Variants in FERRY3 observed in about 807,000 individuals in gnomAD.
FERRY3 encodes protein C12orf4.
At chr12:4,501,149 T>TTCTA in the FERRY3 span, among the ~76,000 whole-genome samples, 1 of 152,160 alleles carries the variant, frequency 6.6e-6, no homozygotes, top group Non-Finnish European at 1.5e-5. Flanking sequence ...CTATTTTCAG[T>TTCTA]TCTATCTCCA....
the FERRY3 span, among the ~76,000 whole-genome samples, chr12:4,537,897 A>G: frequency 4.6e-4 from 70 of 152,290 alleles, no homozygotes; most frequent in African/African-American, 1.5e-3. Context: ...ATGCTCATAT[A>G]AGTTTTATTT....
chr12:4,532,210 C>T, the FERRY3 span, among the ~76,000 whole-genome samples: 13 of 151,782 alleles, frequency 8.6e-5, no homozygotes, highest in Admixed American at 8.5e-4. Flanking sequence ...ACCCCTGGTC[C>T]AGGCCACGTA....
the FERRY3 span, among the ~76,000 whole-genome samples, chr12:4,523,929 G>A: frequency 1.3e-5 from 2 of 151,898 alleles, no homozygotes; most frequent in African/African-American, 4.8e-5. Context: ...TGCACGTTGT[G>A]CACATGTACC....
the FERRY3 span, among the ~76,000 whole-genome samples, chr12:4,516,842 C>G: frequency 1.3e-5 from 2 of 152,096 alleles, no homozygotes; most frequent in African/African-American, 4.8e-5. Context: ...CCTGTACATG[C>G]ACCCTGGAAC....
At chr12:4,516,912 T>C in the FERRY3 span, 1 of 771,546 alleles carries the variant, frequency 1.3e-6, no homozygotes, top group Non-Finnish European at 1.8e-6. Context: ...TTTGATGTTC[T>C]TTCTAAATAG....
the FERRY3 span, chr12:4,502,498 A>C: frequency 2.4e-6 from 1 of 422,906 alleles, no homozygotes; most frequent in Non-Finnish European, 4.6e-6. The surrounding 1 kb of genome is among the most constrained non-coding windows in gnomAD (Gnocchi z 4.2). Flanking sequence ...AATATAAAGA[A>C]ATAAAATAGA....
the FERRY3 span, among the ~76,000 whole-genome samples, chr12:4,531,115 G>A: frequency 6.6e-6 from 1 of 152,134 alleles, no homozygotes; most frequent in Admixed American, 6.5e-5. Flanking sequence ...TCAGTCAACA[G>A]GAAAACTTTT....
At chr12:4,498,052 G>C in the FERRY3 span, among the ~76,000 whole-genome samples, 4 of 152,188 alleles carry the variant, frequency 2.6e-5, no homozygotes, top group African/African-American at 7.2e-5. Context: ...ATATACTTTT[G>C]TGAATTAAAT....
At chr12:4,535,875 A>C in the FERRY3 span, 1 of 549,546 alleles carries the variant, frequency 1.8e-6, no homozygotes, top group African/African-American at 2.0e-5. The surrounding 1 kb of genome is among the most constrained non-coding windows in gnomAD (Gnocchi z 4.0). Context: ...CTCTGGAGAA[A>C]TGTTTTTATT....
chr12:4,534,100 A>C, the FERRY3 span: 1 of 1,502,614 alleles, frequency 6.7e-7, no homozygotes, highest in South Asian at 1.4e-5. Flanking sequence ...GCATTTTAAA[A>C]ATTTTCACCA....
chr12:4,517,684 A>AATATATATATATATATATAT, the FERRY3 span, among the ~76,000 whole-genome samples: 21 of 140,556 alleles, frequency 1.5e-4, no homozygotes, highest in African/African-American at 5.3e-4. Context: ...AGGTTATTAA[A>AATATATATATATATATATAT]ATATATATAT....
the FERRY3 span, among the ~76,000 whole-genome samples, chr12:4,504,560 T>C: frequency 5.3e-5 from 8 of 152,210 alleles, no homozygotes; most frequent in Admixed American, 4.6e-4. Flanking sequence ...TCCATTTTCT[T>C]TATATTTAAG....
the FERRY3 span, among the ~76,000 whole-genome samples, chr12:4,500,892 C>T: frequency 6.6e-6 from 1 of 152,210 alleles, no homozygotes; most frequent in Admixed American, 6.5e-5. Flanking sequence ...ACCTCATGAT[C>T]CGCCCGCCTT....
At chr12:4,513,314 G>A in the FERRY3 span, among the ~76,000 whole-genome samples, 1 of 151,850 alleles carries the variant, frequency 6.6e-6, no homozygotes, top group Non-Finnish European at 1.5e-5. Flanking sequence ...TGGCCATACT[G>A]CCCAAGGTAA....
At chr12:4,500,153 T>C in the FERRY3 span, 16 of 1,613,514 alleles carry the variant, frequency 9.9e-6, no homozygotes, top group Non-Finnish European at 1.4e-5. Flanking sequence ...ACATATCATG[T>C]ACCAGCAAGA....
the FERRY3 span, among the ~76,000 whole-genome samples, chr12:4,533,211 T>C: frequency 1.3e-4 from 20 of 152,218 alleles, no homozygotes; most frequent in African/African-American, 4.3e-4. Context: ...AGCATCTGTC[T>C]TCCCAGTTAT....
At chr12:4,532,392 T>C in the FERRY3 span, among the ~76,000 whole-genome samples, 2 of 152,228 alleles carry the variant, frequency 1.3e-5, no homozygotes, top group Non-Finnish European at 2.9e-5. Flanking sequence ...GCTTCTCTTC[T>C]GTTGGCCTGC....
At chr12:4,498,124 CT>C in the FERRY3 span, among the ~76,000 whole-genome samples, 1 of 152,204 alleles carries the variant, frequency 6.6e-6, no homozygotes, top group African/African-American at 2.4e-5. Flanking sequence ...AAACATGTAA[CT>C]TTTGTAACAT....
At chr12:4,489,580 A>G in the FERRY3 span, 1 of 324,268 alleles carries the variant, frequency 3.1e-6, no homozygotes, top group East Asian at 4.9e-5. Flanking sequence ...CAGAGAAGAA[A>G]AAAAGAGAAA....
Sources: allele counts gnomAD v4.1 joint callset (sites outside exome capture counted in the v4.1 genomes callset), GRCh38; gene constraint gnomAD v4.1.1; non-coding constraint Gnocchi (gnomAD v3.1); transcripts MANE v1.5; gene names NCBI Gene and HGNC (gene_info 2026-07-23, HGNC 2026-07-21).